Variants in NOX4 observed in about 807,000 individuals in gnomAD.
NOX4 encodes kidney oxidase-1.
In NOX4, 69 loss-of-function variants were observed where a neutral mutation model predicts 87.6. The ratio of observed to expected loss-of-function variants is 0.79; its 90% confidence interval spans 0.65 to 0.96. NOX4 has a LOEUF of 0.96. NOX4 is among the 40% of genes least tolerant of loss of function. The probability of loss-of-function intolerance (pLI) is 0.00; values close to 1 mark genes in which losing one functional copy is unlikely to be tolerated. For synonymous variants in NOX4, 275 were observed against 238.2 expected (o/e 1.15, Z -1.42); for missense variants, 680 against 681.5 (o/e 1.00, Z 0.02).
chr11:89,478,800 T>C (rs1946271333), intron 2 of NOX4, among the ~76,000 whole-genome samples: 1 of 152,178 alleles, frequency 6.6e-6, no homozygotes, highest in South Asian at 2.1e-4. Context: ...ACTCATTCTT[T>C]CACTCTTATG....
chr11:89,525,325 T>TA, the NOX4 span, among the ~76,000 whole-genome samples: 1 of 152,096 alleles, frequency 6.6e-6, no homozygotes, highest in Non-Finnish European at 1.5e-5. Flanking sequence ...TGTACCATTT[T>TA]AAATTTCAGG....
the NOX4 span, among the ~76,000 whole-genome samples, chr11:89,536,138 CTTTTTTTTT>C: frequency 1.2e-4 from 11 of 88,954 alleles, no homozygotes; most frequent in African/African-American, 2.4e-4. Flanking sequence ...TGGTCCTTTT[CTTTTTTTTT>C]TTTTTTTTTT....
At chr11:89,544,845 T>C in the NOX4 span, among the ~76,000 whole-genome samples, 1 of 152,076 alleles carries the variant, frequency 6.6e-6, no homozygotes, top group Non-Finnish European at 1.5e-5. Context: ...TTAAAACTCA[T>C]ATTATTTTAT....
rs80243665 is a variant in NOX4 at position 89,433,800 on chromosome 11, T to C, written c.476-944A>G. On this transcript the variant is annotated intron_variant, in intron 6 of 17. Transcript: ENST00000263317. ...ATGTGCAAATATATTGTCAAAATTA[T>C]AATGGCAGGATAGATTGCTACAAAT... Among the ~76,000 whole-genome samples the C allele has an allele frequency of 8.0e-3, 1,218 of 152,198 alleles. 19 individuals are homozygous for C. Among genetic ancestry groups the C allele is most frequent in the African/African-American group, 0.027 (1,116 of 41,568 alleles).
chr11:89,457,280 C>G (rs1218824190), intron 2 of NOX4, among the ~76,000 whole-genome samples: 1 of 152,194 alleles, frequency 6.6e-6, no homozygotes, highest in East Asian at 1.9e-4. Flanking sequence ...GCAGGAGTGC[C>G]CTGTTACCCT....
At chr11:89,456,053 A>G (rs192295587) in intron 2 of NOX4, among the ~76,000 whole-genome samples, 414 of 152,260 alleles carry the variant, frequency 2.7e-3, no homozygotes, top group South Asian at 0.019. Context: ...TGTATATTCC[A>G]AAATAACTAA....
chr11:89,564,112 T>C, the NOX4 span, among the ~76,000 whole-genome samples: 4 of 152,192 alleles, frequency 2.6e-5, no homozygotes, highest in African/African-American at 9.6e-5. Context: ...CTACTAATAA[T>C]AGAGAATATG....
upstream of NOX4, among the ~76,000 whole-genome samples, chr11:89,495,414 CTGTG>C (rs1196974953): frequency 6.6e-6 from 1 of 152,230 alleles, no homozygotes; most frequent in Non-Finnish European, 1.5e-5. Context: ...CCTCTTCAAT[CTGTG>C]TGTGTGTCAA....
intron 8 of NOX4, among the ~76,000 whole-genome samples, chr11:89,416,106 T>G (rs1279446043): frequency 6.6e-6 from 1 of 152,184 alleles, no homozygotes; most frequent in African/African-American, 2.4e-5. Context: ...GTAGAATACC[T>G]GTATGACCTG....
the NOX4 span, among the ~76,000 whole-genome samples, chr11:89,553,788 C>T: frequency 6.6e-6 from 1 of 151,670 alleles, no homozygotes; most frequent in Non-Finnish European, 1.5e-5. Context: ...GAGGGCTTGA[C>T]AGCACCATTT....
intron 11 of NOX4, among the ~76,000 whole-genome samples, chr11:89,373,904 G>A (rs1460354797): frequency 2.0e-5 from 3 of 151,804 alleles, no homozygotes; most frequent in African/African-American, 7.3e-5. Context: ...ACAAATTCCA[G>A]GGAGAAAAAA....
intron 17 of NOX4, among the ~76,000 whole-genome samples, chr11:89,329,195 T>G (rs541712414): frequency 6.6e-6 from 1 of 151,576 alleles, no homozygotes; most frequent in African/African-American, 2.4e-5. Context: ...AATGGAATAT[T>G]TTTTAAGGCC....
At chr11:89,372,470 T>C (rs1215517547) in intron 12 of NOX4, among the ~76,000 whole-genome samples, 1 of 152,024 alleles carries the variant, frequency 6.6e-6, no homozygotes, top group Admixed American at 6.6e-5. Context: ...TTTTGTTTAA[T>C]TGATTAAAGA....
chr11:89,529,803 C>G, the NOX4 span, among the ~76,000 whole-genome samples: 2 of 152,102 alleles, frequency 1.3e-5, no homozygotes, highest in African/African-American at 4.8e-5. Flanking sequence ...ATATTCAAGA[C>G]AGGAAAATAA....
chr11:89,335,189 T>C (rs964419331), intron 17 of NOX4, among the ~76,000 whole-genome samples: 3 of 151,782 alleles, frequency 2.0e-5, no homozygotes, highest in African/African-American at 4.8e-5. Flanking sequence ...AGAATTCTTA[T>C]AGATCAGTGC....
chr11:89,526,570 A>T, the NOX4 span, among the ~76,000 whole-genome samples: 1 of 152,138 alleles, frequency 6.6e-6, no homozygotes, highest in South Asian at 2.1e-4. Context: ...GAGCAGCTGG[A>T]GGTAATTGAA....
rs180759484 is a variant in NOX4, at chr11:89,354,350, G to A, written c.1217+612C>T. Among the ~76,000 whole-genome samples, 262 of 152,206 alleles carry A rather than the reference G, an allele frequency of 1.7e-3. 2 individuals carry two copies. Among genetic ancestry groups the A allele is most frequent in the African/African-American group, 5.8e-3 (242 of 41,534 alleles). On this transcript the variant is annotated intron_variant, in intron 13 of 17. Coordinates refer to ENST00000263317, the MANE Select transcript of NOX4 (RefSeq NM_016931.5). ...GGGAAGGAGATGTGTTATAAGAGTC[G>A]TGGTATTTCCTTAACCTTCGGGAAG...
chr11:89,559,606 TATAG>T, the NOX4 span, among the ~76,000 whole-genome samples: 36 of 152,098 alleles, frequency 2.4e-4, no homozygotes, highest in African/African-American at 7.2e-4. Context: ...ATCTAAAGAG[TATAG>T]ATAGATAATA....
At chr11:89,502,726 A>G (rs1302513221), upstream of NOX4, among the ~76,000 whole-genome samples, 1 of 152,090 alleles carries the variant, frequency 6.6e-6, no homozygotes, top group African/African-American at 2.4e-5. Context: ...TGAGAAACAC[A>G]GCCATATTAA....
Sources: gnomAD v4.1 joint callset for allele counts (sites outside exome capture counted in the v4.1 genomes callset) on GRCh38, gnomAD v4.1.1 for gene constraint, MANE v1.5 for transcripts, NCBI Gene and HGNC (gene_info 2026-07-23, HGNC 2026-07-21) for gene names.